The following POU5F1B variants were observed in gnomAD, a reference collection of about 807,000 sequenced individuals.
The protein encoded by POU5F1B is POU domain, class 5, transcription factor 1B.
Under a neutral mutation model 28.1 loss-of-function variants are expected in POU5F1B, and 24 were observed. The ratio of observed to expected loss-of-function variants is 0.85; its 90% CI spans 0.62 to 1.20. POU5F1B has a LOEUF of 1.20. POU5F1B is among the 50% of genes most tolerant of loss of function. The pLI, the probability that POU5F1B is intolerant of heterozygous loss-of-function variation, is 0.00. For missense variants in POU5F1B, 451 were observed against 451.5 expected, an observed-to-expected ratio of 1.00 and a Z score of 0.01; for synonymous variants, 220 against 193.2, an observed-to-expected ratio of 1.14 and a Z score of -1.15.
exon 3 of POU5F1B, chr8:127,416,768 G>C: frequency 6.2e-7 from 1 of 1,607,242 alleles, no homozygotes; most frequent in South Asian, 1.1e-5. Context: ...GAGGCTGCTG[G>C]GTCTCCTTTC....
At chr8:127,416,790 A>G (rs1376493673) in exon 3 of POU5F1B, 9 of 1,606,336 alleles carry the variant, frequency 5.6e-6, no homozygotes, top group Non-Finnish European at 7.7e-6. Flanking sequence ...CAGGGGGACC[A>G]GTGTCCTTTC....
chr8:127,413,587 C>T (rs749221262), intron 1 of POU5F1B, among the ~76,000 whole-genome samples: 3 of 152,150 alleles, frequency 2.0e-5, no homozygotes, highest in South Asian at 2.1e-4. Flanking sequence ...AACGAGTAGA[C>T]GTTCAGGTCA....
chr8:127,416,948 G>A lies in POU5F1B; in HGVS notation c.*2G>A. 1 of 1,600,052 alleles carries A rather than the reference G, an allele frequency of 6.2e-7. No homozygotes were observed. The highest frequency in any genetic ancestry group is 8.5e-7 in the Non-Finnish European group (1 of 1,172,782). On this transcript the variant is annotated 3_prime_UTR_variant, in exon 3 of 3. Coordinates refer to ENST00000465342, the Ensembl canonical transcript of POU5F1B. ...GGCTCTCCCATGCATTCAAACTGAGGTGCCTGCCCTTCTAGGAATGGGGAA... is the reference window on the plus strand; with the variant it reads ...GGCTCTCCCATGCATTCAAACTGAGATGCCTGCCCTTCTAGGAATGGGGAA...
exon 3 of POU5F1B, chr8:127,415,584 G>T: frequency 2.5e-6 from 1 of 407,098 alleles, no homozygotes; most frequent in Non-Finnish European, 4.2e-6. Flanking sequence ...ATTTCAGATC[G>T]GCCACTGACA....
chr8:127,415,842 C>A, exon 3 of POU5F1B: 2 of 1,498,112 alleles, frequency 1.3e-6, no homozygotes. Context: ...CACCAGGCCC[C>A]CGGCTTGGGG....
chr8:127,413,856 G>GTA (rs1815094304), intron 1 of POU5F1B, among the ~76,000 whole-genome samples: 1 of 78,318 alleles, frequency 1.3e-5, no homozygotes. Flanking sequence ...AAAAAAGGTG[G>GTA]TACACACACA....
exon 3 of POU5F1B, chr8:127,416,360 C>T: frequency 6.2e-7 from 1 of 1,611,052 alleles, no homozygotes; most frequent in Non-Finnish European, 8.5e-7. Flanking sequence ...TATACACAGG[C>T]CGATGTGGGG....
chr8:127,415,506 A>T, exon 3 of POU5F1B: 1 of 225,150 alleles, frequency 4.4e-6, no homozygotes, highest in Non-Finnish European at 8.7e-6. Flanking sequence ...GATGGCTCCC[A>T]TGAAGAATCT....
intron 1 of POU5F1B, among the ~76,000 whole-genome samples, chr8:127,413,879 CA>C (rs1563683160): frequency 2.0e-5 from 3 of 151,572 alleles, no homozygotes; most frequent in African/African-American, 7.3e-5. Flanking sequence ...CACACACACA[CA>C]ACACCCGATA....
chr8:127,415,789 C>T (rs929489266), exon 3 of POU5F1B: 5 of 1,454,800 alleles, frequency 3.4e-6, no homozygotes, highest in Non-Finnish European at 3.6e-6. Context: ...CACAGCCATA[C>T]GGTCACAGAG....
intron 2 of POU5F1B, chr8:127,415,352 A>G (rs966446670): frequency 6.5e-6 from 1 of 153,896 alleles, no homozygotes; most frequent in Non-Finnish European, 1.4e-5. Context: ...CTTGTCACCA[A>G]CTATAAAGAA....
exon 3 of POU5F1B, chr8:127,415,728 A>G: frequency 2.2e-6 from 3 of 1,360,182 alleles, no homozygotes; most frequent in Non-Finnish European, 2.9e-6. Flanking sequence ...TTCAGTCAAC[A>G]TTTAATGATG....
At chr8:127,416,853 C>T (rs777113684) in exon 3 of POU5F1B, 1 of 1,602,568 alleles carries the variant, frequency 6.2e-7, no homozygotes, top group Non-Finnish European at 8.5e-7. Flanking sequence ...GCCCTCACTT[C>T]ACTGCACTGT....
At chr8:127,416,624 C>G (rs1045307654) in exon 3 of POU5F1B, 1 of 1,598,282 alleles carries the variant, frequency 6.3e-7, no homozygotes, top group Non-Finnish European at 8.5e-7. Flanking sequence ...CTGCAGTGCC[C>G]GAAACCCACA....
At chr8:127,417,211 G>GAAAAGA (rs1554608621) in exon 3 of POU5F1B, 14 of 292,330 alleles carry the variant, frequency 4.8e-5, no homozygotes, top group Non-Finnish European at 8.3e-5. Flanking sequence ...AAAAAAAAAA[G>GAAAAGA]AAAGAAAAGA....
exon 3 of POU5F1B, chr8:127,416,009 G>T: frequency 6.3e-7 from 1 of 1,597,412 alleles, no homozygotes; most frequent in Middle Eastern, 1.8e-4. Flanking sequence ...CCAGGAATCG[G>T]GCCGGGGGTT....
exon 3 of POU5F1B, chr8:127,416,831 C>T (rs758096671): frequency 6.2e-6 from 10 of 1,603,818 alleles, no homozygotes; most frequent in Non-Finnish European, 8.5e-6. Context: ...TTTGGTACCC[C>T]AGGCTATGGG....
exon 3 of POU5F1B, chr8:127,416,868 C>T: frequency 6.2e-7 from 1 of 1,601,820 alleles, no homozygotes; most frequent in Non-Finnish European, 8.5e-7. Context: ...CACTGTACTC[C>T]TCAGTCCCTT....
exon 2 of POU5F1B, chr8:127,414,955 C>A (rs537386645): frequency 6.6e-6 from 1 of 152,344 alleles, no homozygotes; most frequent in South Asian, 2.1e-4. Flanking sequence ...TGGAAAAGCC[C>A]ACATGGTGAG....
Sources: gnomAD v4.1 joint callset for allele counts (sites outside exome capture counted in the v4.1 genomes callset) on GRCh38, gnomAD v4.1.1 for gene constraint, MANE v1.5 for transcripts, NCBI Gene and HGNC (gene_info 2026-07-23, HGNC 2026-07-21) for gene names.